Variants in TMEM132C observed in about 807,000 individuals in gnomAD.
TMEM132C encodes the protein transmembrane protein 132C.
A neutral mutation model predicts 61.4 loss-of-function variants in TMEM132C; 29 were observed. The ratio of observed to expected loss-of-function variants is 0.47; its 90% confidence interval spans 0.35 to 0.64. TMEM132C has a LOEUF of 0.64. Ranked by LOEUF, TMEM132C falls within the 30% of genes least tolerant of loss-of-function variation. The pLI is 0.00. For missense variants in TMEM132C, 1,408 were observed against 1,476.9 expected (o/e 0.95, Z 0.76); for synonymous variants, 656 against 633.1 (o/e 1.04, Z -0.54).
chr12:128,648,581 C>CGT (rs1954234982), intron 4 of TMEM132C, among the ~76,000 whole-genome samples: 1 of 147,416 alleles, frequency 6.8e-6, no homozygotes, highest in African/African-American at 2.5e-5. Flanking sequence ...AGTCCATCAG[C>CGT]ACTGGATGTG....
intron 1 of TMEM132C, among the ~76,000 whole-genome samples, chr12:128,371,005 C>G (rs571343024): frequency 6.6e-6 from 1 of 152,210 alleles, no homozygotes; most frequent in Admixed American, 6.5e-5. Flanking sequence ...AGTGGTGAAG[C>G]AGGGCTTTCA....
At chr12:128,419,973 G>A (rs1437772911) in intron 2 of TMEM132C, among the ~76,000 whole-genome samples, 2 of 151,960 alleles carry the variant, frequency 1.3e-5, no homozygotes, top group South Asian at 2.1e-4. Context: ...TGGGCAGATC[G>A]CCTGAGGTCA....
chr12:128,704,975 A>T, intron 8 of TMEM132C, 115 bp from the exon 9 acceptor site: 1 of 1,138,742 alleles, frequency 8.8e-7, no homozygotes, highest in Non-Finnish European at 1.2e-6. Context: ...TGCATGAGCT[A>T]CTGGGTCTGG....
Position 128,360,245 on chromosome 12 carries a change from G to C in TMEM132C, c.86-54487G>C, listed in dbSNP as rs934189256. 2.7e-4 allele frequency among the ~76,000 whole-genome samples: 39 copies of C among 146,100 alleles called. 3 individuals are homozygous for C. Among genetic ancestry groups the C allele is most frequent in the Non-Finnish European group, 9.0e-5 (6 of 66,528 alleles). On this transcript the variant is annotated intron_variant, in intron 1 of 8. Coordinates refer to ENST00000435159, the MANE Select transcript of TMEM132C (RefSeq NM_001136103.3). ...TAACAATGTTAGATTGATAAAGGAC[G>C]ACACACACACACACACACACACACA... is the stretch of plus-strand genomic sequence containing the variant.
intron 5 of TMEM132C, among the ~76,000 whole-genome samples, chr12:128,690,616 T>G (rs532369208): frequency 6.6e-6 from 1 of 152,202 alleles, no homozygotes; most frequent in South Asian, 2.1e-4. Flanking sequence ...ATTACTGATA[T>G]AACTCTTGCT....
chr12:128,308,300 A>G (rs1871849639), intron 1 of TMEM132C, among the ~76,000 whole-genome samples: 1 of 152,066 alleles, frequency 6.6e-6, no homozygotes, highest in Non-Finnish European at 1.5e-5. Context: ...AGGTTTTTAA[A>G]ATTATTATTA....
chr12:128,533,162 A>T (rs1275787329), intron 2 of TMEM132C, among the ~76,000 whole-genome samples: 2 of 152,108 alleles, frequency 1.3e-5, no homozygotes, highest in Admixed American at 6.5e-5. Flanking sequence ...TGTACATGTG[A>T]CCAGAGGCTT....
intron 1 of TMEM132C, among the ~76,000 whole-genome samples, chr12:128,379,887 T>G (rs1314120730): frequency 6.6e-6 from 1 of 152,164 alleles, no homozygotes; most frequent in Non-Finnish European, 1.5e-5. Context: ...CAGAGTTCTG[T>G]TCAGTAATAG....
chr12:128,458,279 ATTTAGTATTG>A (rs1870415543), intron 2 of TMEM132C, among the ~76,000 whole-genome samples: 1 of 101,498 alleles, frequency 9.9e-6, no homozygotes, highest in African/African-American at 3.9e-5. Context: ...TAATTATAAT[ATTTAGTATTG>A]TAATTATATA....
rs373402472 is a variant in TMEM132C at position 128,415,519 on chromosome 12, C to T, written c.873C>T (p.Asn291=). Residue 291 remains asparagine (N), a synonymous_variant, in exon 2 of 9, where the codon AAC becomes AAT. Coordinates refer to ENST00000435159, the MANE Select transcript of TMEM132C (RefSeq NM_001136103.3). The surrounding 1 kb of genome is among the most constrained non-coding windows in gnomAD (Gnocchi z 5.8). ...TCAGCGAGCTGCGTTTGGATGGTAA[C>T]GTGGTCATCTGGCTGCCTTCCAGGC... ...AQLSELRLDG[N]VVIWLPSRPV... 8.4e-6 allele frequency: 13 copies of T among 1,551,370 alleles called. No homozygotes were observed. The highest frequency in any genetic ancestry group is 7.3e-5 in the East Asian group (3 of 40,888).
At chr12:128,308,407 A>G (rs1871853551) in intron 1 of TMEM132C, among the ~76,000 whole-genome samples, 1 of 151,632 alleles carries the variant, frequency 6.6e-6, no homozygotes, top group South Asian at 2.1e-4. Context: ...TTCTTGTTCC[A>G]CATTCTGGAA....
chr12:128,297,460 G>A (rs1337552702), intron 1 of TMEM132C, among the ~76,000 whole-genome samples: 2 of 152,112 alleles, frequency 1.3e-5, no homozygotes, highest in African/African-American at 2.4e-5. Context: ...TCATGGCTCC[G>A]GGTCTCTAAT....
At chr12:128,635,407 TG>T (rs1420406954) in intron 4 of TMEM132C, among the ~76,000 whole-genome samples, 1 of 151,980 alleles carries the variant, frequency 6.6e-6, no homozygotes. Flanking sequence ...GAATTAATCT[TG>T]AGTATTTTGC....
chr12:128,278,660 G>A lies in TMEM132C; in HGVS notation c.85+11173G>A, dbSNP rs77800540. ...CATCAGCTTTTTACTAAACCCCGGTGGTCAGGGTGTCCATGATGACTAAGT... is the reference window on the plus strand; with the variant it reads ...CATCAGCTTTTTACTAAACCCCGGTAGTCAGGGTGTCCATGATGACTAAGT... On this transcript the variant is annotated intron_variant, in intron 1 of 8. Transcript: ENST00000435159. This position sits in a 1 kb window ranked among gnomAD's most constrained non-coding sequence, Gnocchi z 4.2. Among the ~76,000 whole-genome samples the A allele has an allele frequency of 0.087, 13,172 of 152,118 alleles. 667 individuals carry two copies. The highest frequency in any genetic ancestry group is 0.15 in the South Asian group (744 of 4,804).
chr12:128,364,697 G>A (rs538508244), intron 1 of TMEM132C, among the ~76,000 whole-genome samples: 1 of 152,210 alleles, frequency 6.6e-6, no homozygotes, highest in African/African-American at 2.4e-5. Flanking sequence ...GCACCGAGGG[G>A]GTCTGCGGGA....
At chr12:128,388,243 G>A (rs758179477) in intron 1 of TMEM132C, among the ~76,000 whole-genome samples, 7 of 152,212 alleles carry the variant, frequency 4.6e-5, no homozygotes, top group Non-Finnish European at 7.3e-5. Flanking sequence ...ATGCCAGGGC[G>A]GCCAGGTGGG....
chr12:128,616,568 G>A (rs1876809925), intron 4 of TMEM132C, among the ~76,000 whole-genome samples: 1 of 152,230 alleles, frequency 6.6e-6, no homozygotes, highest in African/African-American at 2.4e-5. Flanking sequence ...GTGGAAGTGA[G>A]CACCTGTGAT....
intron 6 of TMEM132C, among the ~76,000 whole-genome samples, 187 bp downstream of exon 6, chr12:128,694,221 G>A (rs536867287): frequency 1.3e-5 from 2 of 152,230 alleles, no homozygotes; most frequent in South Asian, 4.1e-4. Context: ...AACCCAGGTT[G>A]TCCGCACTCT....
intron 4 of TMEM132C, among the ~76,000 whole-genome samples, chr12:128,617,624 G>A (rs1255089345): frequency 6.6e-6 from 1 of 151,958 alleles, no homozygotes; most frequent in South Asian, 2.1e-4. Context: ...TGGGACAGGT[G>A]TGGAATCAGG....
Sources: allele counts gnomAD v4.1 joint callset (sites outside exome capture counted in the v4.1 genomes callset), GRCh38; gene constraint gnomAD v4.1.1; non-coding constraint Gnocchi (gnomAD v3.1); transcripts MANE v1.5; gene names NCBI Gene and HGNC (gene_info 2026-07-23, HGNC 2026-07-21).